The following DLG2 variants were observed in gnomAD, a reference collection of about 807,000 sequenced individuals.
The protein encoded by DLG2 is discs large MAGUK scaffold protein 2, also known as disks large homolog 2.
Under a neutral mutation model 132.5 loss-of-function variants are expected in DLG2, and 45 were observed. That is an observed-to-expected ratio of 0.34 (90% CI 0.27 to 0.44). DLG2 has a LOEUF of 0.44. Among genes scored for constraint, DLG2 ranks in the 20% least tolerant of loss-of-function variants. DLG2 has a pLI of 1.00. For missense variants in DLG2, 1,045 were observed against 1,196.9 expected, an observed-to-expected ratio of 0.87 and a Z score of 1.87; for synonymous variants, 424 against 419.6, an observed-to-expected ratio of 1.01 and a Z score of -0.13.
intron 2 of DLG2, 59 bp from the exon 3 acceptor site, chr11:85,598,847 T>C (rs1321213843): frequency 2.2e-6 from 1 of 456,136 alleles, no homozygotes; most frequent in Non-Finnish European, 3.8e-6. Context: ...AAAACTAACA[T>C]TAAACTATTC....
Position 83,864,969 on chromosome 11 carries a change from A to G in DLG2, c.1565+9451T>C, listed in dbSNP as rs184177794. Among the ~76,000 whole-genome samples the G allele has an allele frequency of 5.5e-4, 83 of 152,278 alleles. No homozygotes were observed. In the Middle Eastern group the frequency reaches 0.014, roughly 25 times the overall value. On this transcript the variant is annotated intron_variant, in intron 16 of 27. Coordinates refer to ENST00000376104, the MANE Select transcript of DLG2 (RefSeq NM_001142699.3). Reference sequence around the variant, plus strand: ...CCAGGTCACAGCCAGGCAAGGTACCAACAGAATGAAAATCATTATTTATAA... The same window carrying G: ...CCAGGTCACAGCCAGGCAAGGTACCGACAGAATGAAAATCATTATTTATAA...
intron 15 of DLG2, among the ~76,000 whole-genome samples, chr11:83,923,736 T>G (rs2078390909): frequency 6.6e-6 from 1 of 152,140 alleles, no homozygotes; most frequent in Admixed American, 6.6e-5. Flanking sequence ...CTCGATAGTC[T>G]CAGTTCAGTT....
At chr11:85,611,293 C>A (rs1236189052) in intron 2 of DLG2, among the ~76,000 whole-genome samples, 8 of 152,176 alleles carry the variant, frequency 5.3e-5, no homozygotes, top group Non-Finnish European at 1.2e-4. Context: ...ATGTAAATGG[C>A]ATACTAGGTG....
intron 9 of DLG2, among the ~76,000 whole-genome samples, chr11:84,128,430 T>C (rs2094274402): frequency 6.6e-6 from 1 of 152,164 alleles, no homozygotes; most frequent in South Asian, 2.1e-4. Flanking sequence ...CAATCCTATA[T>C]TTTATTCACT....
chr11:84,128,549 G>A (rs1010442640), intron 9 of DLG2, among the ~76,000 whole-genome samples: 2 of 152,052 alleles, frequency 1.3e-5, no homozygotes, highest in African/African-American at 4.8e-5. Flanking sequence ...AATAATATAT[G>A]TATGACTGGG....
chr11:84,145,214 T>G (rs2095032003), intron 9 of DLG2, among the ~76,000 whole-genome samples: 1 of 152,204 alleles, frequency 6.6e-6, no homozygotes, highest in South Asian at 2.1e-4. Flanking sequence ...GCTGTTAGTT[T>G]TAAAAGTACC....
At chr11:84,255,555 C>T (rs1373357949) in intron 7 of DLG2, among the ~76,000 whole-genome samples, 3 of 152,132 alleles carry the variant, frequency 2.0e-5, no homozygotes, top group Non-Finnish European at 4.4e-5. Flanking sequence ...AACTCCTGAC[C>T]TCATGTGATC....
intron 18 of DLG2, among the ~76,000 whole-genome samples, chr11:83,679,113 C>A (rs899172707): frequency 6.6e-6 from 1 of 152,168 alleles, no homozygotes; most frequent in Non-Finnish European, 1.5e-5. Context: ...TGAAATCAGA[C>A]AGGCGTGGGT....
intron 19 of DLG2, among the ~76,000 whole-genome samples, chr11:83,618,208 G>T (rs1191031222): frequency 2.6e-5 from 4 of 151,852 alleles, no homozygotes; most frequent in African/African-American, 9.7e-5. Flanking sequence ...ATTCCAGCAG[G>T]TCATGATAAT....
chr11:83,686,123 C>G (rs1041825372), intron 18 of DLG2, among the ~76,000 whole-genome samples: 1 of 152,072 alleles, frequency 6.6e-6, no homozygotes, highest in Non-Finnish European at 1.5e-5. Context: ...TTGCCGCCAC[C>G]CTTCCTCCAC....
intron 3 of DLG2, among the ~76,000 whole-genome samples, chr11:85,341,525 T>C (rs1302951448): frequency 1.3e-5 from 2 of 152,218 alleles, no homozygotes; most frequent in East Asian, 1.9e-4. Flanking sequence ...CTAATTGCAT[T>C]GGCTGATTAA....
chr11:85,312,761 TTCTG>T (rs1312992425), intron 3 of DLG2, among the ~76,000 whole-genome samples: 2 of 152,010 alleles, frequency 1.3e-5, no homozygotes, highest in Non-Finnish European at 2.9e-5. Flanking sequence ...AAAGACTGTT[TTCTG>T]TCTATGAAGT....
intron 18 of DLG2, among the ~76,000 whole-genome samples, chr11:83,742,560 T>G (rs1263081409): frequency 6.6e-6 from 1 of 152,176 alleles, no homozygotes; most frequent in African/African-American, 2.4e-5. Flanking sequence ...TCTTTCATGG[T>G]CACTCTCCTT....
chr11:83,902,031 T>C (rs2073591343), intron 15 of DLG2, among the ~76,000 whole-genome samples: 2 of 151,854 alleles, frequency 1.3e-5, no homozygotes, highest in Admixed American at 6.6e-5. Context: ...TATTTTTTTT[T>C]CTTGAATTCA....
intron 7 of DLG2, among the ~76,000 whole-genome samples, chr11:84,409,713 G>T (rs1035707278): frequency 1.3e-5 from 2 of 152,134 alleles, no homozygotes; most frequent in Admixed American, 6.6e-5. Flanking sequence ...GGCAAGCATT[G>T]TAACCATGTC....
chr11:84,641,059 G>C (rs1376398869), intron 6 of DLG2, among the ~76,000 whole-genome samples: 1 of 151,886 alleles, frequency 6.6e-6, no homozygotes, highest in Non-Finnish European at 1.5e-5. Context: ...TGGGGAAACT[G>C]ATCTGGGGAA....
intron 19 of DLG2, among the ~76,000 whole-genome samples, chr11:83,584,719 G>A (rs2097051739): frequency 1.3e-5 from 2 of 152,180 alleles, no homozygotes; most frequent in Non-Finnish European, 2.9e-5. Flanking sequence ...CACAGAATGT[G>A]TTCTGTCCTG....
chr11:84,861,256 A>T (rs1221363242), intron 6 of DLG2, among the ~76,000 whole-genome samples: 3 of 152,134 alleles, frequency 2.0e-5, no homozygotes, highest in Non-Finnish European at 4.4e-5. Context: ...GGGGATAAGC[A>T]TGTGAAGAAA....
chr11:83,692,076 G>C (rs898083256), intron 18 of DLG2: 2 of 152,190 alleles, frequency 1.3e-5, no homozygotes, highest in African/African-American at 4.8e-5. Context: ...CATGTATCCG[G>C]TAAGTGGTAG....
Sources: allele counts gnomAD v4.1 joint callset (sites outside exome capture counted in the v4.1 genomes callset), GRCh38; gene constraint gnomAD v4.1.1; transcripts MANE v1.5; gene names NCBI Gene and HGNC (gene_info 2026-07-23, HGNC 2026-07-21).